LY75: variants seen among roughly 807,000 people sequenced by gnomAD.
LY75 encodes the protein C-type lectin domain family 13 member B.
In LY75, 185 loss-of-function variants were observed where a neutral mutation model predicts 231.7. The observed-to-expected ratio is 0.80, with a 90% CI of 0.71 to 0.90. The LOEUF is 0.90. LY75 is among the 40% of genes least tolerant of loss of function. The probability of loss-of-function intolerance (pLI) is 0.00; values close to 1 mark genes in which losing one functional copy is unlikely to be tolerated. For synonymous variants in LY75, 668 were observed against 689.0 expected (o/e 0.97, Z 0.48); for missense variants, 1,947 against 2,050.2 (o/e 0.95, Z 0.97).
At position 159,872,534 on chromosome 2, in the gene LY75, G is replaced by A; in HGVS notation, c.2034C>T (p.Cys678=). The A allele has an allele frequency of 6.2e-7, 1 of 1,613,934 alleles. No homozygotes were observed. Among genetic ancestry groups the A allele is most frequent in the Non-Finnish European group, 8.5e-7 (1 of 1,179,930 alleles). ...TAGAAAGGTGTGCTCCAAGGGCTTGGCAGAATCGTTCAGCTTCTTCCCAGT... is the reference window on the plus strand; with the variant it reads ...TAGAAAGGTGTGCTCCAAGGGCTTGACAGAATCGTTCAGCTTCTTCCCAGT... ...KRNWEEAERF[C]QALGAHLSSF... Residue 678 remains cysteine, a synonymous_variant, in exon 13 of 35, where the codon TGC becomes TGT. Coordinates refer to ENST00000263636, the MANE Select transcript of LY75 (RefSeq NM_002349.4).
At chr2:159,807,824 G>A in intron 33 of LY75, 3 of 970,438 alleles carry the variant, frequency 3.1e-6, no homozygotes, top group Non-Finnish European at 3.7e-6. Context: ...CCAATTCCAA[G>A]TTCACCTAAA....
intron 23 of LY75, among the ~76,000 whole-genome samples, chr2:159,845,702 T>A (rs941575068): frequency 1.1e-4 from 15 of 138,184 alleles, no homozygotes; most frequent in African/African-American, 5.1e-4. Context: ...GGTTAAAAAA[T>A]TTTTTTTCTC....
chr2:159,871,329 G>A (rs1685006228), intron 13 of LY75, among the ~76,000 whole-genome samples: 1 of 151,928 alleles, frequency 6.6e-6, no homozygotes, highest in African/African-American at 2.4e-5. Flanking sequence ...AGTGAAGTGG[G>A]GTCAAGAAGT....
chr2:159,888,495 T>C (rs56109851), intron 4 of LY75, among the ~76,000 whole-genome samples: 31 of 152,310 alleles, frequency 2.0e-4, no homozygotes, highest in Non-Finnish European at 4.1e-4. Flanking sequence ...AATTTCCTTA[T>C]CTAGTGATAA....
At chr2:159,862,723 C>T (rs1023721890) in intron 14 of LY75, among the ~76,000 whole-genome samples, 2 of 152,050 alleles carry the variant, frequency 1.3e-5, no homozygotes, top group Admixed American at 6.6e-5. Context: ...TCATATACAA[C>T]ATGATGTTTT....
intron 24 of LY75, 149 bp from the exon 25 acceptor site, chr2:159,841,104 T>C (rs1684012286): frequency 8.1e-6 from 10 of 1,232,530 alleles, no homozygotes; most frequent in Non-Finnish European, 1.1e-5. Context: ...GAATTAGGTA[T>C]GTCTTGCTGT....
intron 28 of LY75, among the ~76,000 whole-genome samples, chr2:159,822,917 G>A (rs1352587921): frequency 6.6e-6 from 1 of 151,602 alleles, no homozygotes; most frequent in Non-Finnish European, 1.5e-5. Flanking sequence ...AGAATAGCAT[G>A]TCCACTCAAA....
intron 2 of LY75, among the ~76,000 whole-genome samples, chr2:159,898,164 A>T (rs1454771646): frequency 6.6e-6 from 1 of 152,108 alleles, no homozygotes; most frequent in Non-Finnish European, 1.5e-5. Flanking sequence ...TGCAGTGGCT[A>T]TTCACAGGCG....
At chr2:159,858,855 C>T (rs1684618787) in intron 15 of LY75, among the ~76,000 whole-genome samples, 1 of 152,192 alleles carries the variant, frequency 6.6e-6, no homozygotes, top group African/African-American at 2.4e-5. Context: ...GTTACCATGC[C>T]ATTTCTAGGA....
rs766329501 is a variant in LY75, at chr2:159,875,598, C to A, written c.1820G>T (p.Gly607Val). The A allele has an allele frequency of 1.2e-6, 2 of 1,614,050 alleles. No individual in the cohort carries two copies. Among genetic ancestry groups the A allele is most frequent in the Admixed American group, 3.3e-5 (2 of 60,008 alleles). Residue 607 changes from glycine (G) to valine (V), a missense_variant, in exon 12 of 35, where the codon GGA (glycine) becomes GTA (valine). Gly to Val is a moderately radical substitution (Grantham distance 109). Coordinates refer to ENST00000263636, the MANE Select transcript of LY75 (RefSeq NM_002349.4). ...TCTGCAGTCCTTCACCTCCCACTTT[C>A]CAACAGACTTTCCAGTAGACATAGC... ...CVAMSTGKSV[G>V]KWEVKDCRSF...
chr2:159,812,137 T>C (rs1033751300), intron 31 of LY75: 4 of 152,172 alleles, frequency 2.6e-5, no homozygotes, highest in Admixed American at 2.6e-4. Flanking sequence ...TTTGACCTTT[T>C]TTTTTTTAAC....
intron 26 of LY75, among the ~76,000 whole-genome samples, chr2:159,834,649 A>G (rs1271142574): frequency 6.6e-6 from 1 of 152,234 alleles, no homozygotes; most frequent in Non-Finnish European, 1.5e-5. Flanking sequence ...GATGTTCTAA[A>G]TAAGTTATTG....
intron 28 of LY75, among the ~76,000 whole-genome samples, chr2:159,830,625 T>C (rs7560817): frequency 0.1 from 14,721 of 147,312 alleles, 2,623 homozygotes; most frequent in African/African-American, 0.35. Context: ...CTTGAGTCTC[T>C]GTTGCCCTGG....
At chr2:159,835,222 A>G (rs1052378395) in intron 26 of LY75, among the ~76,000 whole-genome samples, 1 of 152,230 alleles carries the variant, frequency 6.6e-6, no homozygotes, top group Non-Finnish European at 1.5e-5. Context: ...GTAGAGTAAC[A>G]ATGGGATTTT....
chr2:159,864,852 C>G lies in LY75; in HGVS notation c.2186G>C (p.Ser729Thr). 6.2e-7 allele frequency: 1 copy of G among 1,603,148 alleles called. No individual in the cohort carries two copies. Among genetic ancestry groups the G allele is most frequent in the Non-Finnish European group, 8.5e-7 (1 of 1,174,890 alleles). ...SPDLQGSWQW[S>T]DRTPVSTIIM... ...GTTTTAACTTACTGGTGTACGATCA[C>G]TCCATTGCCAGGATCCTTGTAAATC... Residue 729 changes from serine (S) to threonine (T), a missense_variant, in exon 14 of 35, where the codon AGT becomes ACT. Coordinates refer to ENST00000263636, the MANE Select transcript of LY75 (RefSeq NM_002349.4).
intron 17 of LY75, 49 bp from the exon 18 acceptor site, chr2:159,854,584 C>G: frequency 6.4e-7 from 1 of 1,573,888 alleles, no homozygotes; most frequent in Non-Finnish European, 8.7e-7. Context: ...GCAAAGCAAA[C>G]TGTGTCCTCT....
chr2:159,862,659 C>T (rs1031656092), intron 14 of LY75, among the ~76,000 whole-genome samples: 7 of 130,774 alleles, frequency 5.4e-5, no homozygotes, highest in East Asian at 2.5e-4. Context: ...TTGTATGATA[C>T]GTGAATGTAT....
At chr2:159,881,320 T>G in intron 7 of LY75, 80 bp from the exon 8 acceptor site, 5 of 1,452,784 alleles carry the variant, frequency 3.4e-6, no homozygotes, top group Non-Finnish European at 3.7e-6. Context: ...AATTTTTATA[T>G]TCTGATATGG....
chr2:159,886,392 G>T (rs2271382), intron 5 of LY75, 28 bp downstream of exon 5: 3 of 1,595,942 alleles, frequency 1.9e-6, no homozygotes, highest in Non-Finnish European at 2.6e-6. Context: ...TTTGTTCTGT[G>T]CAGAGGGGGT....
Sources: gnomAD v4.1 joint callset for allele counts (sites outside exome capture counted in the v4.1 genomes callset) on GRCh38, gnomAD v4.1.1 for gene constraint, MANE v1.5 for transcripts, NCBI Gene and HGNC (gene_info 2026-07-23, HGNC 2026-07-21) for gene names.